Variants in CLSTN2 observed in about 807,000 individuals in gnomAD.
CLSTN2 encodes calsyntenin-2.
Under a neutral mutation model 101.2 loss-of-function variants are expected in CLSTN2, and 48 were observed. The observed-to-expected ratio is 0.47, with a 90% CI of 0.38 to 0.60. The LOEUF is 0.60. Ranked by LOEUF, CLSTN2 falls within the 20% of genes least tolerant of loss-of-function variation. The pLI is 0.00. For synonymous variants in CLSTN2, 481 were observed against 463.6 expected, an observed-to-expected ratio of 1.04 and a Z score of -0.48; for missense variants, 1,160 against 1,238.2, an observed-to-expected ratio of 0.94 and a Z score of 0.95.
At chr3:140,378,230 T>A (rs991868119) in intron 2 of CLSTN2, among the ~76,000 whole-genome samples, 2 of 152,226 alleles carry the variant, frequency 1.3e-5, no homozygotes, top group Admixed American at 6.5e-5. Flanking sequence ...TATCGTTAAG[T>A]GACACTTGAC....
At chr3:140,271,065 T>C (rs1271742397) in intron 2 of CLSTN2, among the ~76,000 whole-genome samples, 1 of 152,122 alleles carries the variant, frequency 6.6e-6, no homozygotes, top group Non-Finnish European at 1.5e-5. Flanking sequence ...GTGATTTCCT[T>C]CCCGGGGAGC....
At chr3:140,058,561 A>T (rs2008139917) in intron 1 of CLSTN2, among the ~76,000 whole-genome samples, 1 of 152,156 alleles carries the variant, frequency 6.6e-6, no homozygotes, top group Non-Finnish European at 1.5e-5. Context: ...AAGAGCTCTC[A>T]ATTGTTTGTT....
At chr3:140,060,987 A>G (rs1330935781) in intron 1 of CLSTN2, among the ~76,000 whole-genome samples, 1 of 152,182 alleles carries the variant, frequency 6.6e-6, no homozygotes, top group Non-Finnish European at 1.5e-5. Flanking sequence ...AGGACCAGAC[A>G]TAGGGTCAGA....
intron 8 of CLSTN2, among the ~76,000 whole-genome samples, chr3:140,483,457 G>A (rs1934170717): frequency 6.6e-6 from 1 of 152,166 alleles, no homozygotes; most frequent in Non-Finnish European, 1.5e-5. Flanking sequence ...TGTCTATTAG[G>A]TCTGCTTGGT....
chr3:140,003,578 T>C (rs879874981), intron 1 of CLSTN2, among the ~76,000 whole-genome samples: 2 of 152,174 alleles, frequency 1.3e-5, no homozygotes, highest in Non-Finnish European at 2.9e-5. Flanking sequence ...TGAATAACAG[T>C]GGTAAAAGTG....
Position 140,320,441 on chromosome 3 carries a change from GAC to G in CLSTN2, c.233-83184_233-83183del, listed in dbSNP as rs768967296. Reference sequence around the variant, plus strand: ...CTAATAAGGAAAATGATAAACTGATGACACAGTCCTGACTTAGTGACTGTCAG... The same window carrying G: ...CTAATAAGGAAAATGATAAACTGATGACAGTCCTGACTTAGTGACTGTCAG... On this transcript the variant is annotated intron_variant, in intron 2 of 16. Transcript: ENST00000458420. Among the ~76,000 whole-genome samples, 8 of 152,228 alleles carry G rather than the reference GAC, an allele frequency of 5.3e-5. No individual in the cohort carries two copies. In the East Asian group the frequency reaches 1.5e-3, roughly 29 times the overall value.
At chr3:140,253,274 C>T (rs903142723) in intron 2 of CLSTN2, among the ~76,000 whole-genome samples, 4 of 152,188 alleles carry the variant, frequency 2.6e-5, no homozygotes, top group African/African-American at 7.2e-5. Context: ...TCAAGGTCAG[C>T]GTGTTGGGTC....
intron 1 of CLSTN2, among the ~76,000 whole-genome samples, chr3:139,942,213 G>C (rs573080398): frequency 2.0e-5 from 3 of 152,140 alleles, no homozygotes; most frequent in African/African-American, 4.8e-5. Context: ...TGAAAGAATC[G>C]GTTTCCCTGA....
At chr3:140,051,683 A>T (rs1387557721) in intron 1 of CLSTN2, among the ~76,000 whole-genome samples, 1 of 152,208 alleles carries the variant, frequency 6.6e-6, no homozygotes, top group East Asian at 1.9e-4. Flanking sequence ...TCACCTGGGA[A>T]GCCTCAAAAC....
chr3:140,478,398 T>C (rs1934033280), intron 8 of CLSTN2, among the ~76,000 whole-genome samples: 1 of 150,000 alleles, frequency 6.7e-6, no homozygotes, highest in Non-Finnish European at 1.5e-5. Context: ...ATGTATGAAA[T>C]GCTATTCAAC....
intron 2 of CLSTN2, among the ~76,000 whole-genome samples, chr3:140,394,059 G>T (rs548659559): frequency 6.6e-6 from 1 of 152,242 alleles, no homozygotes; most frequent in South Asian, 2.1e-4. Flanking sequence ...CCCGGGAAGT[G>T]CCTGTCTGGG....
chr3:140,442,571 C>A (rs1288812351), intron 5 of CLSTN2, among the ~76,000 whole-genome samples: 1 of 152,122 alleles, frequency 6.6e-6, no homozygotes, highest in African/African-American at 2.4e-5. Context: ...TAGAATTGAA[C>A]TAAACTTCAA....
chr3:140,168,277 T>C (rs2010163378), intron 1 of CLSTN2, among the ~76,000 whole-genome samples: 1 of 152,168 alleles, frequency 6.6e-6, no homozygotes, highest in Non-Finnish European at 1.5e-5. Context: ...CTAATGACTA[T>C]TGATGTTGAA....
At chr3:139,951,817 G>T (rs375395218) in intron 1 of CLSTN2, among the ~76,000 whole-genome samples, 1 of 151,960 alleles carries the variant, frequency 6.6e-6, no homozygotes, top group Non-Finnish European at 1.5e-5. Context: ...TTAGACTCCA[G>T]CAAACTGGCT....
chr3:140,233,644 C>A (rs1440129575), intron 2 of CLSTN2, among the ~76,000 whole-genome samples: 3 of 152,194 alleles, frequency 2.0e-5, no homozygotes, highest in African/African-American at 7.2e-5. Context: ...TTTTCCCTGC[C>A]ATAAATGGTC....
chr3:140,523,247 TCAGA>T (rs1935071765), intron 8 of CLSTN2, among the ~76,000 whole-genome samples: 1 of 152,152 alleles, frequency 6.6e-6, no homozygotes, highest in African/African-American at 2.4e-5. Context: ...GGACCCGAAT[TCAGA>T]CAGTCCTTTG....
At chr3:140,270,648 G>A (rs1166685075) in intron 2 of CLSTN2, among the ~76,000 whole-genome samples, 1 of 152,154 alleles carries the variant, frequency 6.6e-6, no homozygotes, top group Non-Finnish European at 1.5e-5. Flanking sequence ...GTGGATGCTA[G>A]GGTGGTAGCA....
At chr3:140,262,511 T>G (rs879385502) in intron 2 of CLSTN2, among the ~76,000 whole-genome samples, 4 of 151,898 alleles carry the variant, frequency 2.6e-5, no homozygotes, top group Non-Finnish European at 5.9e-5. Flanking sequence ...TGAAAGTGAA[T>G]GTGAAGAAGT....
At chr3:139,951,828 A>T (rs533626913) in intron 1 of CLSTN2, among the ~76,000 whole-genome samples, 1 of 152,332 alleles carries the variant, frequency 6.6e-6, no homozygotes, top group East Asian at 1.9e-4. Context: ...CAAACTGGCT[A>T]GAGTGTTTAT....
Sources: gnomAD v4.1 joint callset for allele counts (sites outside exome capture counted in the v4.1 genomes callset) on GRCh38, gnomAD v4.1.1 for gene constraint, MANE v1.5 for transcripts, NCBI Gene and HGNC (gene_info 2026-07-23, HGNC 2026-07-21) for gene names.